CRMP1: variants seen among roughly 807,000 people sequenced by gnomAD.
CRMP1 encodes collapsin response mediator protein 1.
CRMP1 carries 19 observed loss-of-function variants against 68.3 expected under a neutral mutation model. The ratio of observed to expected loss-of-function variants is 0.28; its 90% CI spans 0.19 to 0.41. CRMP1 has a LOEUF of 0.41. CRMP1 is among the 10% of genes least tolerant of loss of function. The pLI, the probability that CRMP1 is intolerant of heterozygous loss-of-function variation, is 1.00. For missense variants in CRMP1, 791 were observed against 967.4 expected, an observed-to-expected ratio of 0.82 and a Z score of 2.42; for synonymous variants, 439 against 399.6, an observed-to-expected ratio of 1.10 and a Z score of -1.18.
chr4:5,877,398 G>A lies in CRMP1; in HGVS notation c.382-10642C>T, dbSNP rs1256119692. On this transcript the variant is annotated intron_variant, in intron 1 of 13. Transcript: ENST00000324989. This position sits in a 1 kb window ranked among gnomAD's most constrained non-coding sequence, Gnocchi z 4.3. ...CAAATACGTCAAACTTCCATGACTTGGTCCCTACCTTGAATAACCAGAGCC... is the reference window on the plus strand; with the variant it reads ...CAAATACGTCAAACTTCCATGACTTAGTCCCTACCTTGAATAACCAGAGCC... 6.6e-6 allele frequency among the ~76,000 whole-genome samples: 1 copy of A among 152,162 alleles called. No homozygotes were observed. Among genetic ancestry groups the A allele is most frequent in the Admixed American group, 6.5e-5 (1 of 15,286 alleles).
rs1421144596 is a variant in CRMP1, at chr4:5,889,387, G to C, written c.381+3202C>G. On this transcript the variant is annotated intron_variant, in intron 1 of 13. Transcript: ENST00000324989. The surrounding 1 kb of genome is among the most constrained non-coding windows in gnomAD (Gnocchi z 4.5). ...CTCCACAGCCCTGGGGACAAGCTGG[G>C]GGTCAGGAGGAGGACTAGGGTGCTC... is the stretch of plus-strand genomic sequence containing the variant. Among the ~76,000 whole-genome samples, 1 of 152,158 alleles carries C rather than the reference G, an allele frequency of 6.6e-6. No individual in the cohort carries two copies.
chr4:5,821,937 A>C lies in CRMP1; in HGVS notation c.1970-86T>G. 9.8e-7 allele frequency: 1 copy of C among 1,016,416 alleles called. No homozygotes were observed. Among genetic ancestry groups the C allele is most frequent in the Non-Finnish European group, 1.4e-6 (1 of 731,394 alleles). The allele number at this position is 1,016,416 out of a possible 1,614,324, so 63.0% of individuals were successfully genotyped here. On this transcript the variant is annotated intron_variant, in intron 13 of 13. Transcript: ENST00000324989. The surrounding 1 kb of genome is among the most constrained non-coding windows in gnomAD (Gnocchi z 4.4). The stretch of plus-strand genomic sequence containing the variant: ...CTGGAGGCCATGTACTCTGCCATGC[A>C]CTCCACTGGACCCACCTTCATTCAG...
rs1261729326 is a variant in CRMP1 at position 5,842,130 on chromosome 4, T to C, written c.1033-702A>G. ...GCAGGTGCCTGTAGTCCCAGCTACT[T>C]GGGAGGCTGAGGCAGGAGAATGGTG... On this transcript the variant is annotated intron_variant, in intron 7 of 13. Coordinates refer to ENST00000324989, the MANE Select transcript of CRMP1 (RefSeq NM_001014809.3). The surrounding 1 kb of genome is among the most constrained non-coding windows in gnomAD (Gnocchi z 4.5). 6.6e-6 allele frequency among the ~76,000 whole-genome samples: 1 copy of C among 152,058 alleles called. No homozygotes were observed. Among genetic ancestry groups the C allele is most frequent in the Non-Finnish European group, 1.5e-5 (1 of 67,990 alleles).
chr4:5,836,699 T>C (rs1258734010), intron 10 of CRMP1, 66 bp downstream of exon 10: 6 of 1,611,506 alleles, frequency 3.7e-6, no homozygotes, highest in Non-Finnish European at 5.1e-6. Context: ...GCGTGCATAA[T>C]GCATCGGCTT....
rs529275732 is a variant in CRMP1 at position 5,879,195 on chromosome 4, C to T, written c.382-12439G>A. Among the ~76,000 whole-genome samples the T allele has an allele frequency of 4.6e-5, 7 of 152,326 alleles. No homozygotes were observed. Among genetic ancestry groups the T allele is most frequent in the South Asian group, 2.1e-4 (1 of 4,812 alleles). On this transcript the variant is annotated intron_variant, in intron 1 of 13. Coordinates refer to ENST00000324989, the MANE Select transcript of CRMP1 (RefSeq NM_001014809.3). The surrounding 1 kb of genome is among the most constrained non-coding windows in gnomAD (Gnocchi z 4.2). ...GGCCGCGCCCCACCACATCTATCTACGCACACCACGCTCTGCCTCCCTAAC... is the reference window on the plus strand; with the variant it reads ...GGCCGCGCCCCACCACATCTATCTATGCACACCACGCTCTGCCTCCCTAAC...
At chr4:5,836,137 G>A in intron 10 of CRMP1, 52 bp from the exon 11 acceptor site, 1 of 1,379,066 alleles carries the variant, frequency 7.3e-7, no homozygotes, top group Non-Finnish European at 9.5e-7. Flanking sequence ...GGGCCAGGAG[G>A]AGGGGCAGCT....
At chr4:5,856,039 G>T in intron 4 of CRMP1, 104 bp downstream of exon 4, 1 of 1,368,656 alleles carries the variant, frequency 7.3e-7, no homozygotes, top group Non-Finnish European at 1.0e-6. Flanking sequence ...TCATAATCAG[G>T]CTCAGAACAG....
chr4:5,856,639 T>C (rs1359591357), intron 3 of CRMP1, among the ~76,000 whole-genome samples: 2 of 141,848 alleles, frequency 1.4e-5, no homozygotes, highest in Non-Finnish European at 3.0e-5. Flanking sequence ...TCATCATCAT[T>C]ATCAACCCAT....
chr4:5,892,794 C>A lies in CRMP1; in HGVS notation c.176G>T (p.Gly59Val). 3 of 1,324,390 alleles carry A rather than the reference C, an allele frequency of 2.3e-6. No individual in the cohort carries two copies. The highest frequency in any genetic ancestry group is 1.9e-5 in the South Asian group (1 of 53,864). 82.0% of individuals were successfully genotyped at this position (1,324,390 alleles called of 1,614,324 possible). The change falls in exon 1 of 14, where the codon GGC becomes GTC. Residue 59 changes from glycine to valine, a missense_variant. By Grantham distance (109) the Gly-to-Val change is moderately radical. Transcript: ENST00000324989. The surrounding 1 kb of genome is among the most constrained non-coding windows in gnomAD (Gnocchi z 8.6). ...AGCGCTGCGCGGCGTGCGCGCCGAG[C>A]CGCGGCGGCCCACACTGTAGGCGTC... ...DFDAYSVGRR[G>V]SARTPRSAGR... is the part of the protein sequence containing the mutation.
rs895081931 is a variant in CRMP1 at position 5,860,388 on chromosome 4, G to GC, written c.655+637dup. 3.3e-5 allele frequency among the ~76,000 whole-genome samples: 5 copies of GC among 152,132 alleles called. No homozygotes were observed. Among genetic ancestry groups the GC allele is most frequent in the Non-Finnish European group, 7.3e-5 (5 of 68,028 alleles). ...CCCAAAGCTAAGCACAGCCACTCCA[G>GC]CCCCACTCCCACTCCTGCACACCCT... On this transcript the variant is annotated intron_variant, in intron 3 of 13. Transcript: ENST00000324989. The surrounding 1 kb of genome is among the most constrained non-coding windows in gnomAD (Gnocchi z 4.2).
intron 6 of CRMP1, among the ~76,000 whole-genome samples, chr4:5,844,721 C>A (rs1276180110): frequency 6.6e-6 from 1 of 152,188 alleles, no homozygotes; most frequent in Admixed American, 6.5e-5. Flanking sequence ...CACTCAGGAG[C>A]TGGGGGCTGC....
rs1428128852 is a variant in CRMP1, at chr4:5,843,861, A to G, written c.964-700T>C. On this transcript the variant is annotated intron_variant, in intron 6 of 13. Transcript: ENST00000324989. The surrounding 1 kb of genome is among the most constrained non-coding windows in gnomAD (Gnocchi z 4.1). ...TTATGGCGGGAAACCACTACCTGAA[A>G]CTTATCATATAACCTTGAAATGGTT... 6.6e-6 allele frequency among the ~76,000 whole-genome samples: 1 copy of G among 152,116 alleles called. No individual in the cohort carries two copies. The highest frequency in any genetic ancestry group is 1.5e-5 in the Non-Finnish European group (1 of 68,014).
chr4:5,839,127 A>G (rs375936975), intron 9 of CRMP1, among the ~76,000 whole-genome samples: 1 of 152,204 alleles, frequency 6.6e-6, no homozygotes, highest in African/African-American at 2.4e-5. Flanking sequence ...CAGCTCTGCC[A>G]CAGGTACTGT....
intron 9 of CRMP1, among the ~76,000 whole-genome samples, chr4:5,837,423 G>A (rs1454385350): frequency 1.3e-5 from 2 of 148,836 alleles, no homozygotes; most frequent in Non-Finnish European, 3.0e-5. Flanking sequence ...AGGAGATCGG[G>A]ACCAGCCTGA....
At chr4:5,856,828 T>G (rs1713105829) in intron 3 of CRMP1, among the ~76,000 whole-genome samples, 1 of 142,018 alleles carries the variant, frequency 7.0e-6, no homozygotes, top group South Asian at 2.3e-4. Context: ...ATTACCACCA[T>G]CCACTATTAT....
intron 4 of CRMP1, among the ~76,000 whole-genome samples, chr4:5,852,915 C>T (rs1001202521): frequency 1.3e-5 from 2 of 152,042 alleles, no homozygotes; most frequent in Non-Finnish European, 2.9e-5. Flanking sequence ...CCTGAAGGGG[C>T]CAGTACTCAC....
chr4:5,830,613 T>G (rs1577745887), intron 11 of CRMP1, among the ~76,000 whole-genome samples: 1 of 152,218 alleles, frequency 6.6e-6, no homozygotes, highest in South Asian at 2.1e-4. Flanking sequence ...ATTCTAATTG[T>G]CTCCTTTATT....
At chr4:5,887,116 T>TA (rs1715646224) in intron 1 of CRMP1, among the ~76,000 whole-genome samples, 1 of 152,162 alleles carries the variant, frequency 6.6e-6, no homozygotes, top group African/African-American at 2.4e-5. Flanking sequence ...CAGGGAGCTT[T>TA]ACGTGGGTAA....
chr4:5,889,739 G>T lies in CRMP1; in HGVS notation c.381+2850C>A. On this transcript the variant is annotated intron_variant, in intron 1 of 13. Coordinates refer to ENST00000324989, the MANE Select transcript of CRMP1 (RefSeq NM_001014809.3). The surrounding 1 kb of genome is among the most constrained non-coding windows in gnomAD (Gnocchi z 4.5). ...GCCATCCAGAGCGAGGGTGGCCTAG[G>T]CTTGGTACAGCTCCCCCAGCACTGT... is the stretch of plus-strand genomic sequence containing the variant. The T allele has an allele frequency of 2.0e-6, 3 of 1,535,428 alleles. No individual in the cohort carries two copies. Among genetic ancestry groups the T allele is most frequent in the Non-Finnish European group, 2.6e-6 (3 of 1,146,470 alleles).
Sources: gnomAD v4.1 joint callset for allele counts (sites outside exome capture counted in the v4.1 genomes callset) on GRCh38, gnomAD v4.1.1 for gene constraint, Gnocchi (gnomAD v3.1) non-coding constraint, MANE v1.5 for transcripts, NCBI Gene and HGNC (gene_info 2026-07-23, HGNC 2026-07-21) for gene names.